Variants in CCNI observed in about 807,000 individuals in gnomAD.
The protein encoded by CCNI is cyclin-I.
CCNI carries 14 observed loss-of-function variants against 34.1 expected under a neutral mutation model. The ratio of observed to expected loss-of-function variants is 0.41; its 90% CI spans 0.27 to 0.64. CCNI has a LOEUF of 0.64. CCNI is among the 30% of genes least tolerant of loss of function. The pLI is 0.31. For missense variants in CCNI, 385 were observed against 440.5 expected, an observed-to-expected ratio of 0.87 and a Z score of 1.13; for synonymous variants, 154 against 158.4, an observed-to-expected ratio of 0.97 and a Z score of 0.21.
chr4:77,066,208 T>C (rs2109833956), intron 2 of CCNI, 41 bp downstream of exon 2: 2 of 1,538,924 alleles, frequency 1.3e-6, no homozygotes, highest in Non-Finnish European at 1.8e-6. Flanking sequence ...AGTATGTTTA[T>C]TTCTAATAAA....
chr4:77,071,509 G>A (rs1182230730), intron 1 of CCNI, among the ~76,000 whole-genome samples: 1 of 152,158 alleles, frequency 6.6e-6, no homozygotes, highest in Non-Finnish European at 1.5e-5. Flanking sequence ...ATATTAGAAT[G>A]GAAATTAATG....
chr4:77,068,699 T>C (rs998436829), intron 1 of CCNI, among the ~76,000 whole-genome samples: 18 of 152,164 alleles, frequency 1.2e-4, no homozygotes, highest in African/African-American at 4.3e-4. Flanking sequence ...CTCTAAGAAT[T>C]TTTTTAAATA....
Position 77,075,457 on chromosome 4 carries a change from G to T in CCNI, c.-44+15C>A, listed in dbSNP as rs1430563644. ...GGAGACGCGTCGAGCCCCCGCCCCCGCCCCCGCCCCTCACCTTCTCCTCCT... is the reference window on the plus strand; with the variant it reads ...GGAGACGCGTCGAGCCCCCGCCCCCTCCCCCGCCCCTCACCTTCTCCTCCT... On this transcript the variant is annotated intron_variant, in intron 1 of 6. Coordinates refer to ENST00000237654, the MANE Select transcript of CCNI (RefSeq NM_006835.3). 2.4e-6 allele frequency: 1 copy of T among 419,802 alleles called. No individual in the cohort carries two copies. The highest frequency in any genetic ancestry group is 3.2e-6 in the Non-Finnish European group (1 of 314,184). 26.0% of individuals were successfully genotyped at this position (419,802 alleles called of 1,614,324 possible).
At chr4:77,073,838 A>C (rs1729675794) in intron 1 of CCNI, among the ~76,000 whole-genome samples, 1 of 152,202 alleles carries the variant, frequency 6.6e-6, no homozygotes, top group African/African-American at 2.4e-5. Context: ...CTTTGATGTT[A>C]ATCTCCAGAG....
At chr4:77,052,489 G>A (rs996668969) in intron 6 of CCNI, among the ~76,000 whole-genome samples, 11 of 152,104 alleles carry the variant, frequency 7.2e-5, no homozygotes, top group African/African-American at 2.2e-4. Flanking sequence ...GCTTAAGGGG[G>A]TGTAGTGGGA....
At chr4:77,051,638 A>C (rs778285700) in intron 6 of CCNI, among the ~76,000 whole-genome samples, 1 of 152,230 alleles carries the variant, frequency 6.6e-6, no homozygotes, top group Non-Finnish European at 1.5e-5. Flanking sequence ...TTGTTCTATA[A>C]GACACCAAAA....
chr4:77,068,102 C>T (rs1729186759), intron 1 of CCNI, among the ~76,000 whole-genome samples: 1 of 152,040 alleles, frequency 6.6e-6, no homozygotes, highest in African/African-American at 2.4e-5. Flanking sequence ...CGCTTTAACC[C>T]AGGAGACAGA....
chr4:77,066,482 TAAAA>T (rs1225237704), intron 1 of CCNI, 77 bp from the exon 2 acceptor site: 1 of 1,037,094 alleles, frequency 9.6e-7, no homozygotes, highest in African/African-American at 1.6e-5. Context: ...AAGCAACTCA[TAAAA>T]CAAAATAAGA....
intron 1 of CCNI, among the ~76,000 whole-genome samples, chr4:77,072,539 A>C (rs1729553486): frequency 6.7e-6 from 1 of 149,498 alleles, no homozygotes; most frequent in African/African-American, 2.5e-5. Flanking sequence ...CAGGAGACTC[A>C]GGTGGGAGGA....
chr4:77,066,033 AG>A (rs1429861384), intron 2 of CCNI: 9 of 437,390 alleles, frequency 2.1e-5, no homozygotes, highest in African/African-American at 1.8e-4. Context: ...CCCGGGAGGC[AG>A]GGGTTGCAGT....
intron 2 of CCNI, chr4:77,064,963 A>AG (rs1250806069): frequency 2.0e-5 from 3 of 152,264 alleles, no homozygotes; most frequent in Non-Finnish European, 4.4e-5. Flanking sequence ...TACAGGCGTG[A>AG]GCCACTGCGT....
At position 77,075,458 on chromosome 4, in the gene CCNI, C is replaced by T. The variant is rs1729851232; in HGVS notation, c.-44+14G>A. The T allele has an allele frequency of 9.8e-6, 5 of 507,752 alleles. No homozygotes were observed. Among genetic ancestry groups the T allele is most frequent in the Non-Finnish European group, 1.3e-5 (5 of 393,932 alleles). The allele number at this position is 507,752 out of a possible 1,614,324, so 31.5% of individuals were successfully genotyped here. ...GAGACGCGTCGAGCCCCCGCCCCCG[C>T]CCCCGCCCCTCACCTTCTCCTCCTC... On this transcript the variant is annotated intron_variant, in intron 1 of 6. Coordinates refer to ENST00000237654, the MANE Select transcript of CCNI (RefSeq NM_006835.3).
In CCNI at chr4:77,050,237, CTT is replaced by C. The variant is rs1159056950; in HGVS notation, c.691-1577_691-1576del. Among the ~76,000 whole-genome samples, 4 of 152,278 alleles carry C rather than the reference CTT, an allele frequency of 2.6e-5. No homozygotes were observed. In the East Asian group the frequency reaches 5.8e-4, roughly 22 times the overall value. On this transcript the variant is annotated intron_variant, in intron 6 of 6. Transcript: ENST00000237654. ...ACACCATCACCTTCAGGAAGCCTATCTTGACCATTTAACTATCAGGGATCACT... is the reference window on the plus strand; with the variant it reads ...ACACCATCACCTTCAGGAAGCCTATCGACCATTTAACTATCAGGGATCACT...
chr4:77,065,303 C>G (rs527726247), intron 2 of CCNI, among the ~76,000 whole-genome samples: 71 of 152,292 alleles, frequency 4.7e-4, no homozygotes, highest in Non-Finnish European at 9.3e-4. Flanking sequence ...ATTAAAAGAA[C>G]ATTTGACCAC....
Position 77,055,249 on chromosome 4 carries a change from G to T in CCNI, c.591C>A (p.Phe197Leu). The T allele has an allele frequency of 1.2e-6, 2 of 1,614,104 alleles. No homozygotes were observed. Among genetic ancestry groups the T allele is most frequent in the Non-Finnish European group, 1.7e-6 (2 of 1,179,948 alleles). ...TGGCCAGAGCAAGCATGGATCCTCT[G>T]AATTGCAGAAGTTGGTTGCAGGCCA... is the stretch of plus-strand genomic sequence containing the variant. The part of the protein sequence containing the change: ...HCMACNQLLQ[F>L]RGSMLALAMV... Residue 197 changes from phenylalanine to leucine, a missense_variant, in exon 6 of 7, where the codon TTC becomes TTA. Physicochemically the swap from Phe to Leu is conservative, Grantham distance 22. Coordinates refer to ENST00000237654, the MANE Select transcript of CCNI (RefSeq NM_006835.3).
intron 2 of CCNI, among the ~76,000 whole-genome samples, chr4:77,063,344 TAAAAAAAAAAAA>T (rs745761323): frequency 9.1e-5 from 7 of 77,272 alleles, no homozygotes; most frequent in African/African-American, 2.0e-4. Context: ...GAAAGGGAGG[TAAAAAAAAAAAA>T]AAAAAAAAAA....
intron 2 of CCNI, among the ~76,000 whole-genome samples, chr4:77,059,484 T>G (rs1389011278): frequency 6.6e-6 from 1 of 151,690 alleles, no homozygotes; most frequent in Non-Finnish European, 1.5e-5. Flanking sequence ...ACAACAATGT[T>G]TTGTGTTTGT....
chr4:77,051,043 T>C (rs550781913), intron 6 of CCNI, among the ~76,000 whole-genome samples: 1 of 152,328 alleles, frequency 6.6e-6, no homozygotes, highest in Non-Finnish European at 1.5e-5. Flanking sequence ...TTGTCCTGTA[T>C]ACTTTAAATC....
intron 2 of CCNI, 129 bp downstream of exon 2, chr4:77,066,120 A>T: frequency 2.8e-6 from 2 of 713,204 alleles, no homozygotes; most frequent in East Asian, 2.8e-5. Flanking sequence ...AAACAGGGAG[A>T]GTCTCTCAAA....
Sources: allele counts gnomAD v4.1 joint callset (sites outside exome capture counted in the v4.1 genomes callset), GRCh38; gene constraint gnomAD v4.1.1; transcripts MANE v1.5; gene names NCBI Gene and HGNC (gene_info 2026-07-23, HGNC 2026-07-21).